The following MYOZ2 variants were observed in gnomAD, a reference collection of about 807,000 sequenced individuals.
The protein encoded by MYOZ2 is myozenin-2.
MYOZ2 carries 19 observed loss-of-function variants against 25.4 expected under a neutral mutation model. The observed-to-expected ratio is 0.75, with a 90% CI of 0.52 to 1.10. The LOEUF (loss-of-function observed/expected upper bound fraction) is 1.10, where lower values mean the gene tolerates loss of function less well. Among genes scored for constraint, MYOZ2 ranks in the 50% least tolerant of loss-of-function variants. The probability of loss-of-function intolerance (pLI) is 0.00; values close to 1 mark genes in which losing one functional copy is unlikely to be tolerated. For synonymous variants in MYOZ2, 92 were observed against 106.9 expected, an observed-to-expected ratio of 0.86 and a Z score of 0.86; for missense variants, 270 against 317.9, an observed-to-expected ratio of 0.85 and a Z score of 1.15.
At position 119,149,508 on chromosome 4, in the gene MYOZ2, G is replaced by A. The variant is rs538186012; in HGVS notation, c.77-1364G>A. Reference sequence around the variant, plus strand: ...CTTTAGCTGGAGAGAACAGCCTTTCGTTGGTGCTTTGTCTGTCTGGACCTC... The same window carrying A: ...CTTTAGCTGGAGAGAACAGCCTTTCATTGGTGCTTTGTCTGTCTGGACCTC... On this transcript the variant is annotated intron_variant, in intron 2 of 5. Coordinates refer to ENST00000307128, the MANE Select transcript of MYOZ2 (RefSeq NM_016599.5). Among the ~76,000 whole-genome samples, 22 of 152,266 alleles carry A rather than the reference G, an allele frequency of 1.4e-4. No individual in the cohort carries two copies. The South Asian group carries it at 1.9e-3, about 13-fold the overall frequency.
chr4:119,177,994 A>G (rs1742113696), intron 5 of MYOZ2, among the ~76,000 whole-genome samples: 1 of 152,152 alleles, frequency 6.6e-6, no homozygotes, highest in African/African-American at 2.4e-5. Flanking sequence ...TCCTAATGGC[A>G]CATTCTCTCT....
chr4:119,186,329 T>A lies in MYOZ2; in HGVS notation c.*129T>A, dbSNP rs1257147152. ...TAGCAATTTAGTGATTTTCCTTTTCTGACATTCAATTTCAATCTCAGATCA... is the reference window on the plus strand; with the variant it reads ...TAGCAATTTAGTGATTTTCCTTTTCAGACATTCAATTTCAATCTCAGATCA... On this transcript the variant is annotated 3_prime_UTR_variant, in exon 6 of 6. Coordinates refer to ENST00000307128, the MANE Select transcript of MYOZ2 (RefSeq NM_016599.5). The A allele has an allele frequency of 8.5e-6, 6 of 704,774 alleles. No individual in the cohort carries two copies. In the African/African-American group the frequency reaches 9.0e-5, roughly 11 times the overall value. 43.7% of individuals were successfully genotyped at this position (704,774 alleles called of 1,614,324 possible).
chr4:119,185,845 G>T, intron 5 of MYOZ2, 121 bp from the exon 6 acceptor site: 1 of 788,974 alleles, frequency 1.3e-6, no homozygotes, highest in South Asian at 1.6e-5. Flanking sequence ...ATATAAGTAA[G>T]CCCATAAAAT....
chr4:119,145,460 G>A (rs1031918862), intron 2 of MYOZ2, among the ~76,000 whole-genome samples: 4 of 144,170 alleles, frequency 2.8e-5, no homozygotes, highest in Non-Finnish European at 6.0e-5. Context: ...TTCCACCTCA[G>A]CCTCCCAAGT....
At chr4:119,137,031 C>T (rs900284957) in intron 2 of MYOZ2, among the ~76,000 whole-genome samples, 5 of 151,968 alleles carry the variant, frequency 3.3e-5, no homozygotes, top group Admixed American at 2.0e-4. Context: ...TTTTATCAAG[C>T]TATTAAGTTG....
chr4:119,157,667 G>T (rs988704516), intron 3 of MYOZ2, among the ~76,000 whole-genome samples: 3 of 152,150 alleles, frequency 2.0e-5, no homozygotes, highest in African/African-American at 7.2e-5. Context: ...TATTAGATTA[G>T]TAAGGATTCA....
intron 2 of MYOZ2, among the ~76,000 whole-genome samples, chr4:119,149,433 G>A (rs1012811298): frequency 6.6e-6 from 1 of 152,182 alleles, no homozygotes; most frequent in Non-Finnish European, 1.5e-5. Context: ...AAGTAGCGCA[G>A]CCATTGTCTA....
In MYOZ2 at chr4:119,162,247, A is replaced by G. The variant is rs540232716; in HGVS notation, c.377-1964A>G. Among the ~76,000 whole-genome samples the G allele has an allele frequency of 3.9e-4, 60 of 152,282 alleles. 1 individual carries two copies. Among genetic ancestry groups the G allele is most frequent in the African/African-American group, 1.3e-3 (56 of 41,554 alleles). On this transcript the variant is annotated intron_variant, in intron 4 of 5. Transcript: ENST00000307128. ...CCCCAAGCAGCAAGTAACTAGATCCATAGTCCTGGAGCAAAGAGTGTGAAA... is the reference window on the plus strand; with the variant it reads ...CCCCAAGCAGCAAGTAACTAGATCCGTAGTCCTGGAGCAAAGAGTGTGAAA...
At chr4:119,136,353 T>G (rs773795311) in intron 1 of MYOZ2, among the ~76,000 whole-genome samples, 159 bp from the exon 2 acceptor site, 3 of 152,226 alleles carry the variant, frequency 2.0e-5, no homozygotes, top group Non-Finnish European at 2.9e-5. Context: ...AATAACATAC[T>G]CTGTCACCAG....
intron 2 of MYOZ2, among the ~76,000 whole-genome samples, chr4:119,138,242 G>A (rs780237684): frequency 1.3e-5 from 2 of 152,120 alleles, no homozygotes; most frequent in Admixed American, 1.3e-4. Context: ...ATGAGTACCA[G>A]CTCCCTTAAG....
intron 5 of MYOZ2, among the ~76,000 whole-genome samples, chr4:119,168,369 T>C (rs936237637): frequency 6.6e-6 from 1 of 152,162 alleles, no homozygotes; most frequent in Non-Finnish European, 1.5e-5. Context: ...GCAACACATT[T>C]CATAAGGCTA....
At chr4:119,166,024 G>T (rs1741816522) in intron 5 of MYOZ2, among the ~76,000 whole-genome samples, 1 of 150,534 alleles carries the variant, frequency 6.6e-6, no homozygotes, top group Admixed American at 6.6e-5. Context: ...AATATTACAT[G>T]CTGTGTGTGT....
chr4:119,180,223 A>G (rs760786847), intron 5 of MYOZ2, among the ~76,000 whole-genome samples: 14 of 152,012 alleles, frequency 9.2e-5, no homozygotes, highest in African/African-American at 1.9e-4. Context: ...TATAAATTCT[A>G]CCTTGTTTGC....
intron 5 of MYOZ2, among the ~76,000 whole-genome samples, chr4:119,177,633 A>G (rs1742106264): frequency 6.6e-6 from 1 of 152,104 alleles, no homozygotes; most frequent in Admixed American, 6.5e-5. Flanking sequence ...TTACCTTCTC[A>G]TTATCAAATT....
chr4:119,184,216 C>T (rs925898139), intron 5 of MYOZ2, among the ~76,000 whole-genome samples: 1 of 152,160 alleles, frequency 6.6e-6, no homozygotes, highest in African/African-American at 2.4e-5. Flanking sequence ...AATGGTTGCC[C>T]TTCACATTTA....
rs200190327 is a variant in MYOZ2 at position 119,137,406 on chromosome 4, A to T, written c.76+805A>T. Among the ~76,000 whole-genome samples, 10 of 152,230 alleles carry T rather than the reference A, an allele frequency of 6.6e-5. No homozygotes were observed. The East Asian group carries it at 1.9e-3, about 29-fold the overall frequency. ...AATATTCAGGTCCTCTTAGGAGCTG[A>T]TTTGAGCCATTCCAGATATATTAGT... On this transcript the variant is annotated intron_variant, in intron 2 of 5. Transcript: ENST00000307128.
At chr4:119,181,897 C>T (rs1314278980) in intron 5 of MYOZ2, among the ~76,000 whole-genome samples, 1 of 151,952 alleles carries the variant, frequency 6.6e-6, no homozygotes, top group Non-Finnish European at 1.5e-5. Flanking sequence ...GTAAATATTG[C>T]AGAGTTCAAA....
intron 4 of MYOZ2, among the ~76,000 whole-genome samples, chr4:119,163,963 A>C (rs529223009): frequency 6.0e-4 from 92 of 152,348 alleles, no homozygotes; most frequent in African/African-American, 2.1e-3. Context: ...TAAGACAGTC[A>C]AGAAAAAACT....
At chr4:119,176,742 T>G (rs1384527810) in intron 5 of MYOZ2, among the ~76,000 whole-genome samples, 1 of 152,334 alleles carries the variant, frequency 6.6e-6, no homozygotes, top group Non-Finnish European at 1.5e-5. Flanking sequence ...ATCATTCAGG[T>G]ACCTTGTGAT....
Sources: allele counts gnomAD v4.1 joint callset (sites outside exome capture counted in the v4.1 genomes callset), GRCh38; gene constraint gnomAD v4.1.1; transcripts MANE v1.5; gene names NCBI Gene and HGNC (gene_info 2026-07-23, HGNC 2026-07-21).